Variants in ZNF106 observed in about 807,000 individuals in gnomAD.
The protein encoded by ZNF106 is SH3-domain binding protein 3.
In ZNF106, 67 loss-of-function variants were observed where a neutral mutation model predicts 195.1. The ratio of observed to expected loss-of-function variants is 0.34; its 90% CI spans 0.28 to 0.42. The LOEUF (loss-of-function observed/expected upper bound fraction) is 0.42. ZNF106 is among the 10% of genes least tolerant of loss of function. The pLI is 1.00. For missense variants in ZNF106, 2,118 were observed against 2,304.5 expected (o/e 0.92, Z 1.66); for synonymous variants, 784 against 818.6 (o/e 0.96, Z 0.72).
intron 9 of ZNF106, among the ~76,000 whole-genome samples, chr15:42,442,776 C>T (rs925042019): frequency 2.6e-5 from 4 of 151,540 alleles, no homozygotes; most frequent in African/African-American, 7.3e-5. Context: ...GCCACTATGC[C>T]CAGCTATTAT....
intron 1 of ZNF106, among the ~76,000 whole-genome samples, chr15:42,489,208 A>G (rs1475305648): frequency 2.2e-5 from 3 of 138,644 alleles, no homozygotes; most frequent in Admixed American, 7.2e-5. Flanking sequence ...TTTTTTTTTG[A>G]GATGGAGTTT....
At chr15:42,417,751 C>G in intron 21 of ZNF106, 54 bp downstream of exon 21, 1 of 1,544,078 alleles carries the variant, frequency 6.5e-7, no homozygotes, top group Non-Finnish European at 8.7e-7. Context: ...TTGCTAGCCC[C>G]TGCTCTGAGC....
chr15:42,417,711 T>C (rs777682970), intron 21 of ZNF106, 94 bp downstream of exon 21: 2 of 1,404,288 alleles, frequency 1.4e-6, no homozygotes, highest in African/African-American at 1.5e-5. Context: ...GCCCTCCCTA[T>C]ATATGGCAAT....
intron 1 of ZNF106, among the ~76,000 whole-genome samples, chr15:42,476,077 TTTTAG>T (rs1405994841): frequency 5.9e-5 from 9 of 152,296 alleles, no homozygotes; most frequent in Admixed American, 5.9e-4. Flanking sequence ...GTCTCCCTCT[TTTTAG>T]TTATTTTTTC....
chr15:42,448,775 G>C (rs909547561), intron 5 of ZNF106, 70 bp from the exon 6 acceptor site: 2 of 1,477,974 alleles, frequency 1.4e-6, no homozygotes, highest in Non-Finnish European at 1.8e-6. Flanking sequence ...ATTTTTTAAT[G>C]TGCCAGGCTC....
intron 19 of ZNF106, 56 bp downstream of exon 19, chr15:42,421,861 A>G: frequency 6.9e-7 from 1 of 1,444,520 alleles, no homozygotes. Flanking sequence ...AAGTGACAAG[A>G]ATTTTTTAGC....
chr15:42,422,030 C>T, intron 18 of ZNF106, 42 bp from the exon 19 acceptor site: 1 of 1,537,012 alleles, frequency 6.5e-7, no homozygotes, highest in Non-Finnish European at 8.8e-7. Context: ...TTATTTATAC[C>T]TTGCGTTTAA....
chr15:42,444,384 C>A (rs1004869504), intron 8 of ZNF106, 122 bp from the exon 9 acceptor site: 11 of 708,350 alleles, frequency 1.6e-5, no homozygotes, highest in Non-Finnish European at 2.6e-5. Flanking sequence ...TGTGACCCAG[C>A]CAGCCGCAGG....
At chr15:42,437,626 G>A (rs1047433490) in intron 12 of ZNF106, among the ~76,000 whole-genome samples, 1 of 152,134 alleles carries the variant, frequency 6.6e-6, no homozygotes, top group African/African-American at 2.4e-5. Flanking sequence ...GAGCTTTTGG[G>A]CCAGGCGTGG....
intron 1 of ZNF106, among the ~76,000 whole-genome samples, chr15:42,478,591 C>T (rs573659762): frequency 1.1e-4 from 16 of 148,350 alleles, no homozygotes; most frequent in African/African-American, 3.5e-4. Flanking sequence ...TCTCAGCTCA[C>T]GGCAACCTCC....
Position 42,450,137 on chromosome 15 carries a change from T to A in ZNF106, c.2135A>T (p.Tyr712Phe). Residue 712 changes from tyrosine (Y) to phenylalanine (F), a missense_variant, in exon 5 of 22, where the codon TAT becomes TTT. Transcript: ENST00000564754. Reference protein sequence around the residue: ...VDDSIKSHVSYETEGFESASL... With the variant: ...VDDSIKSHVSFETEGFESASL... The stretch of plus-strand genomic sequence containing the variant: ...AGCACTCTCAAAGCCTTCTGTTTCA[T>A]AAGATACATGAGATTTAATAGAGTC... The A allele has an allele frequency of 6.2e-7, 1 of 1,614,222 alleles. No individual in the cohort carries two copies. Among genetic ancestry groups the A allele is most frequent in the Non-Finnish European group, 8.5e-7 (1 of 1,180,044 alleles).
At chr15:42,419,037 G>GT (rs1034121728) in intron 20 of ZNF106, among the ~76,000 whole-genome samples, 1 of 142,252 alleles carries the variant, frequency 7.0e-6, no homozygotes, top group Non-Finnish European at 1.5e-5. Context: ...ACCAGCCTGG[G>GT]CAACATAGTG....
chr15:42,458,732 C>A (rs964427425), intron 3 of ZNF106, among the ~76,000 whole-genome samples: 8 of 150,262 alleles, frequency 5.3e-5, no homozygotes, highest in Middle Eastern at 3.4e-3. Context: ...AAAAAAAAAA[C>A]AACACCTTAC....
At chr15:42,441,864 G>C (rs1470366645) in intron 10 of ZNF106, 2 of 417,144 alleles carry the variant, frequency 4.8e-6, no homozygotes, top group Middle Eastern at 6.4e-4. Context: ...CTAGATTAGA[G>C]GAAATGAAAG....
chr15:42,459,760 G>T (rs998214772), intron 3 of ZNF106, among the ~76,000 whole-genome samples: 10 of 151,996 alleles, frequency 6.6e-5, no homozygotes, highest in African/African-American at 2.4e-4. Context: ...CTTTTTGTTG[G>T]CCAGGCGCAG....
intron 10 of ZNF106, 29 bp downstream of exon 10, chr15:42,442,044 G>A: frequency 6.5e-7 from 1 of 1,549,720 alleles, no homozygotes; most frequent in African/African-American, 1.4e-5. Context: ...CTACTGGGAT[G>A]CCCTTAACCC....
intron 4 of ZNF106, among the ~76,000 whole-genome samples, chr15:42,454,990 T>C (rs1333916533): frequency 6.6e-6 from 1 of 152,152 alleles, no homozygotes; most frequent in Non-Finnish European, 1.5e-5. Context: ...TACAAATGTC[T>C]AATCTATTCT....
At chr15:42,486,373 C>G (rs1265558502) in intron 1 of ZNF106, among the ~76,000 whole-genome samples, 1 of 152,118 alleles carries the variant, frequency 6.6e-6, no homozygotes, top group Non-Finnish European at 1.5e-5. Flanking sequence ...GATCCTTCCA[C>G]CTCAGCCTCC....
In ZNF106 at chr15:42,450,618, C is replaced by T. The variant is rs1432941353; in HGVS notation, c.1654G>A (p.Asp552Asn). The stretch of plus-strand genomic sequence containing the variant: ...TTTCGTAAAGTATCATTTAAATTAT[C>T]ACCAGATTGCTTTTGAGAGCCAAAT... ...STFGSQKQSG[D>N]NLNDTLRKAK... Residue 552 changes from aspartate (D) to asparagine (N), a missense_variant, in exon 5 of 22, where the codon GAT (aspartate) becomes AAT (asparagine). Physicochemically the swap from Asp to Asn is conservative, Grantham distance 23 (BLOSUM62 1). Transcript: ENST00000564754. The T allele has an allele frequency of 6.2e-7, 1 of 1,614,162 alleles. No homozygotes were observed. The highest frequency in any genetic ancestry group is 8.5e-7 in the Non-Finnish European group (1 of 1,180,040).
Sources: gnomAD v4.1 joint callset for allele counts (sites outside exome capture counted in the v4.1 genomes callset) on GRCh38, gnomAD v4.1.1 for gene constraint, MANE v1.5 for transcripts, NCBI Gene and HGNC (gene_info 2026-07-23, HGNC 2026-07-21) for gene names.